Variants in KCNIP1 observed in about 807,000 individuals in gnomAD.
KCNIP1 encodes the protein A-type potassium channel modulatory protein KCNIP1.
A neutral mutation model predicts 33.0 loss-of-function variants in KCNIP1; 18 were observed. The ratio of observed to expected loss-of-function variants is 0.55; its 90% CI spans 0.38 to 0.81. The LOEUF is 0.81. Among genes scored for constraint, KCNIP1 ranks in the 30% least tolerant of loss-of-function variants. The probability of loss-of-function intolerance (pLI) is 0.00; values close to 1 mark genes in which losing one functional copy is unlikely to be tolerated. For synonymous variants in KCNIP1, 93 were observed against 98.3 expected (o/e 0.95, Z 0.32); for missense variants, 238 against 271.6 (o/e 0.88, Z 0.87).
chr5:170,400,490 C>T (rs529193079), intron 1 of KCNIP1, among the ~76,000 whole-genome samples: 1 of 152,286 alleles, frequency 6.6e-6, no homozygotes, highest in Admixed American at 6.5e-5. Context: ...TCCCTCAACA[C>T]CTGGGTATTA....
At chr5:170,477,678 G>A (rs1756887264) in intron 1 of KCNIP1, among the ~76,000 whole-genome samples, 1 of 152,132 alleles carries the variant, frequency 6.6e-6, no homozygotes. Flanking sequence ...TCCTGACCTT[G>A]TGATCTGCCT....
chr5:170,482,220 A>T (rs2113167242), intron 1 of KCNIP1, among the ~76,000 whole-genome samples: 1 of 152,210 alleles, frequency 6.6e-6, no homozygotes, highest in South Asian at 2.1e-4. Context: ...TTGAGAAGAG[A>T]TTTATTATTT....
At chr5:170,380,109 G>A (rs964292564) in intron 1 of KCNIP1, among the ~76,000 whole-genome samples, 17 of 152,228 alleles carry the variant, frequency 1.1e-4, no homozygotes, top group African/African-American at 4.1e-4. Flanking sequence ...TGTGCCAGCA[G>A]AGCATGACAC....
At chr5:170,655,612 CCA>C (rs1761228860) in intron 1 of KCNIP1, among the ~76,000 whole-genome samples, 2 of 152,158 alleles carry the variant, frequency 1.3e-5, no homozygotes, top group South Asian at 4.1e-4. Flanking sequence ...GACTTCTTCC[CCA>C]GTTTCAGGTG....
chr5:170,684,506 A>G (rs1254627985), intron 1 of KCNIP1, among the ~76,000 whole-genome samples: 2 of 152,364 alleles, frequency 1.3e-5, no homozygotes, highest in East Asian at 1.9e-4. Context: ...ATACATCAGT[A>G]TTTGGAAATG....
chr5:170,609,383 G>T (rs954388932), intron 1 of KCNIP1, among the ~76,000 whole-genome samples: 2 of 152,234 alleles, frequency 1.3e-5, no homozygotes, highest in African/African-American at 2.4e-5. Flanking sequence ...GGATTAGGAA[G>T]CAGGAGTTAT....
At chr5:170,598,684 G>C (rs938490418) in intron 1 of KCNIP1, among the ~76,000 whole-genome samples, 6 of 152,132 alleles carry the variant, frequency 3.9e-5, no homozygotes, top group Non-Finnish European at 8.8e-5. Context: ...AGGCCTGGGA[G>C]GTGTCAACAA....
At chr5:170,543,016 C>T (rs1218365373) in intron 1 of KCNIP1, among the ~76,000 whole-genome samples, 1 of 152,148 alleles carries the variant, frequency 6.6e-6, no homozygotes, top group Non-Finnish European at 1.5e-5. Flanking sequence ...TAGATGGTGC[C>T]TTCTAGCTAT....
chr5:170,581,812 C>T (rs1218699827), intron 1 of KCNIP1, among the ~76,000 whole-genome samples: 1 of 152,180 alleles, frequency 6.6e-6, no homozygotes, highest in Non-Finnish European at 1.5e-5. Context: ...GTTTATTTGG[C>T]TCACAGTTCT....
chr5:170,579,809 A>T (rs1267049313), intron 1 of KCNIP1, among the ~76,000 whole-genome samples: 1 of 152,042 alleles, frequency 6.6e-6, no homozygotes, highest in East Asian at 1.9e-4. Context: ...GCTCACAAGA[A>T]ATCAAAGCAA....
chr5:170,541,071 C>T (rs1350916323), intron 1 of KCNIP1, among the ~76,000 whole-genome samples: 1 of 152,184 alleles, frequency 6.6e-6, no homozygotes, highest in African/African-American at 2.4e-5. Context: ...TCAGTTTCTC[C>T]AGCTATGAAG....
chr5:170,687,048 T>C (rs1279463387), intron 1 of KCNIP1, among the ~76,000 whole-genome samples: 1 of 152,086 alleles, frequency 6.6e-6, no homozygotes, highest in Non-Finnish European at 1.5e-5. Flanking sequence ...CTGCTGTTAA[T>C]CTGTCTCCAG....
chr5:170,715,017 C>A (rs991885833), intron 1 of KCNIP1, among the ~76,000 whole-genome samples: 2 of 152,192 alleles, frequency 1.3e-5, no homozygotes, highest in African/African-American at 4.8e-5. Context: ...GAGCAACTTC[C>A]AGTCCTGTAA....
intron 1 of KCNIP1, among the ~76,000 whole-genome samples, chr5:170,662,278 C>A (rs1761529091): frequency 6.6e-6 from 1 of 152,132 alleles, no homozygotes; most frequent in African/African-American, 2.4e-5. Flanking sequence ...TCTTTCCCTT[C>A]TCTTCCCACT....
At chr5:170,379,679 CA>C (rs1183917476) in intron 1 of KCNIP1, among the ~76,000 whole-genome samples, 4 of 152,130 alleles carry the variant, frequency 2.6e-5, no homozygotes, top group Admixed American at 2.6e-4. Flanking sequence ...AGTTAGAAAC[CA>C]GATCACACCT....
intron 3 of KCNIP1, 34 bp from the exon 4 acceptor site, chr5:170,721,799 C>G: frequency 6.2e-7 from 1 of 1,614,158 alleles, no homozygotes; most frequent in Non-Finnish European, 8.5e-7. Flanking sequence ...GGAATTCCTG[C>G]CCCCATCACC....
intron 1 of KCNIP1, among the ~76,000 whole-genome samples, chr5:170,573,811 G>A (rs189267763): frequency 1.1e-4 from 16 of 152,322 alleles, no homozygotes; most frequent in African/African-American, 3.6e-4. Flanking sequence ...GAGACCTTAT[G>A]GCCCATAGAG....
intron 1 of KCNIP1, among the ~76,000 whole-genome samples, chr5:170,703,934 G>A (rs1763177982): frequency 7.2e-6 from 1 of 137,966 alleles, no homozygotes. Flanking sequence ...CACAATCTCC[G>A]CCTACCCCAC....
rs904518251 is a variant in KCNIP1 at position 170,688,688 on chromosome 5, C to G, written c.62-30070C>G. Among the ~76,000 whole-genome samples the G allele has an allele frequency of 5.9e-5, 9 of 152,266 alleles. No homozygotes were observed. The East Asian group carries it at 1.7e-3, about 29-fold the overall frequency. ...TTAATAGTGACCTTTTGGAGGCCTC[C>G]CTAAACAGCAGGTGAAGTCCCAAAA... On this transcript the variant is annotated intron_variant, in intron 1 of 7. Transcript: ENST00000328939.
Sources: allele counts gnomAD v4.1 joint callset (sites outside exome capture counted in the v4.1 genomes callset), GRCh38; gene constraint gnomAD v4.1.1; transcripts MANE v1.5; gene names NCBI Gene and HGNC (gene_info 2026-07-23, HGNC 2026-07-21).